The following SCLT1 variants were observed in gnomAD, a reference collection of about 807,000 sequenced individuals.
SCLT1 encodes the protein sodium channel and clathrin linker 1.
SCLT1 carries 78 observed loss-of-function variants against 112.8 expected under a neutral mutation model. The ratio of observed to expected loss-of-function variants is 0.69; its 90% CI spans 0.58 to 0.83. The LOEUF is 0.83. Ranked by LOEUF, SCLT1 falls within the 40% of genes least tolerant of loss-of-function variation. The pLI, the probability that SCLT1 is intolerant of heterozygous loss-of-function variation, is 0.00. For synonymous variants in SCLT1, 257 were observed against 254.7 expected (o/e 1.01, Z -0.09); for missense variants, 747 against 770.4 (o/e 0.97, Z 0.36).
chr4:128,984,068 T>C (rs759768768), intron 9 of SCLT1, among the ~76,000 whole-genome samples: 1 of 152,202 alleles, frequency 6.6e-6, no homozygotes, highest in Non-Finnish European at 1.5e-5. Context: ...TGTTAAGCTA[T>C]GGAATACTGT....
At chr4:128,979,986 T>C (rs1741505561) in intron 9 of SCLT1, among the ~76,000 whole-genome samples, 1 of 152,232 alleles carries the variant, frequency 6.6e-6, no homozygotes, top group African/African-American at 2.4e-5. Flanking sequence ...AAGGTGACAG[T>C]AATCCCTTTA....
chr4:128,875,932 C>CATT (rs746946499), intron 4 of SCLT1, among the ~76,000 whole-genome samples: 16 of 152,124 alleles, frequency 1.1e-4, no homozygotes, highest in Non-Finnish European at 1.8e-4. Context: ...ATATTATCTG[C>CATT]ATTATACACC....
At chr4:128,991,681 A>C (rs1275413148) in intron 9 of SCLT1, among the ~76,000 whole-genome samples, 2 of 151,908 alleles carry the variant, frequency 1.3e-5, no homozygotes, top group Non-Finnish European at 2.9e-5. Context: ...ATTTTGCAAA[A>C]GAAGACATAC....
chr4:128,913,837 T>C (rs1735276394), intron 18 of SCLT1, among the ~76,000 whole-genome samples: 1 of 152,220 alleles, frequency 6.6e-6, no homozygotes, highest in South Asian at 2.1e-4. Context: ...AATTAATGTT[T>C]GTCTCCCCTA....
intron 9 of SCLT1, among the ~76,000 whole-genome samples, chr4:128,981,516 G>A (rs1034458890): frequency 1.3e-5 from 2 of 151,992 alleles, no homozygotes; most frequent in African/African-American, 2.4e-5. Context: ...TCTGACAGCC[G>A]GATGGCCCCA....
At chr4:129,011,860 T>C (rs1744553618) in intron 5 of SCLT1, among the ~76,000 whole-genome samples, 1 of 152,192 alleles carries the variant, frequency 6.6e-6, no homozygotes, top group Admixed American at 6.5e-5. Flanking sequence ...GTTGTTTGTA[T>C]TTCTGTGGGG....
chr4:129,027,282 C>T (rs1384945931), intron 5 of SCLT1, among the ~76,000 whole-genome samples: 1 of 152,114 alleles, frequency 6.6e-6, no homozygotes, highest in Non-Finnish European at 1.5e-5. Context: ...CCTTGATGAA[C>T]ACTGATGCAA....
intron 4 of SCLT1, 43 bp from the exon 5 acceptor site, chr4:129,039,139 A>G (rs766397071): frequency 2.3e-6 from 3 of 1,324,482 alleles, no homozygotes; most frequent in African/African-American, 2.9e-5. Context: ...TTTGCAGACA[A>G]TCAGATCTCC....
chr4:128,938,653 C>G (rs998627758), intron 17 of SCLT1, among the ~76,000 whole-genome samples: 2 of 152,142 alleles, frequency 1.3e-5, no homozygotes, highest in African/African-American at 2.4e-5. Flanking sequence ...AAAAGTACAG[C>G]CCCTGTGAGT....
intron 18 of SCLT1, among the ~76,000 whole-genome samples, chr4:128,904,563 G>T (rs1281447569): frequency 6.6e-6 from 1 of 152,108 alleles, no homozygotes; most frequent in East Asian, 1.9e-4. Flanking sequence ...AGTGCCCACT[G>T]TTTGTTGTTC....
At chr4:129,085,254 T>C (rs772885825) in intron 1 of SCLT1, among the ~76,000 whole-genome samples, 3 of 152,002 alleles carry the variant, frequency 2.0e-5, no homozygotes, top group Non-Finnish European at 4.4e-5. Flanking sequence ...TCAGCAAGCA[T>C]ACAAAAAAAA....
At chr4:128,997,776 A>G in intron 8 of SCLT1, 98 bp downstream of exon 8, 1 of 565,786 alleles carries the variant, frequency 1.8e-6, no homozygotes, top group South Asian at 3.0e-5. Context: ...AGTATTATCT[A>G]ATTTCGTGCA....
At chr4:129,074,587 CT>C (rs1751299170) in intron 2 of SCLT1, among the ~76,000 whole-genome samples, 1 of 152,052 alleles carries the variant, frequency 6.6e-6, no homozygotes, top group African/African-American at 2.4e-5. Context: ...TACAAATGTT[CT>C]TTTCATTTTC....
At chr4:128,997,146 AT>A (rs1470406062) in intron 8 of SCLT1, 1 of 151,934 alleles carries the variant, frequency 6.6e-6, no homozygotes, top group African/African-American at 2.4e-5. Context: ...TGGTTTAATA[AT>A]TTTTTACATG....
chr4:128,926,730 T>G (rs1161800697), intron 18 of SCLT1, among the ~76,000 whole-genome samples: 1 of 152,080 alleles, frequency 6.6e-6, no homozygotes, highest in Non-Finnish European at 1.5e-5. Flanking sequence ...TTACATTTAT[T>G]ACTGTTCATA....
intron 18 of SCLT1, among the ~76,000 whole-genome samples, chr4:128,918,674 T>G (rs1184615224): frequency 6.6e-6 from 1 of 152,074 alleles, no homozygotes; most frequent in Non-Finnish European, 1.5e-5. Context: ...CAACTGTATG[T>G]GATCTACAAG....
At chr4:128,875,946 A>T (rs1331935877) in intron 4 of SCLT1, among the ~76,000 whole-genome samples, 1 of 152,184 alleles carries the variant, frequency 6.6e-6, no homozygotes, top group Non-Finnish European at 1.5e-5. Context: ...ATACACCTTA[A>T]GACTTGGCCA....
chr4:129,018,806 A>G (rs1044032837), intron 5 of SCLT1, among the ~76,000 whole-genome samples: 1 of 152,164 alleles, frequency 6.6e-6, no homozygotes, highest in African/African-American at 2.4e-5. Flanking sequence ...CAGACCAACT[A>G]CTAAGTTAGA....
chr4:128,922,932 G>C (rs1350502578), intron 18 of SCLT1, among the ~76,000 whole-genome samples: 1 of 152,116 alleles, frequency 6.6e-6, no homozygotes, highest in African/African-American at 2.4e-5. Context: ...AAAATAAAGA[G>C]GGTGAGAGAC....
Sources: allele counts gnomAD v4.1 joint callset (sites outside exome capture counted in the v4.1 genomes callset), GRCh38; gene constraint gnomAD v4.1.1; transcripts MANE v1.5; gene names NCBI Gene and HGNC (gene_info 2026-07-23, HGNC 2026-07-21).